ZNF385D: variants seen among roughly 807,000 people sequenced by gnomAD.
ZNF385D encodes the protein zinc finger protein 385D, also known as zinc finger protein 659.
Under a neutral mutation model 35.8 loss-of-function variants are expected in ZNF385D, and 15 were observed. The ratio of observed to expected loss-of-function variants is 0.42; its 90% CI spans 0.28 to 0.64. The LOEUF (loss-of-function observed/expected upper bound fraction) is 0.64, where lower values mean the gene tolerates loss of function less well. Ranked by LOEUF, ZNF385D falls within the 30% of genes least tolerant of loss-of-function variation. ZNF385D has a pLI of 0.23. For synonymous variants in ZNF385D, 212 were observed against 186.8 expected, an observed-to-expected ratio of 1.13 and a Z score of -1.10; for missense variants, 474 against 494.6, an observed-to-expected ratio of 0.96 and a Z score of 0.39.
chr3:22,172,286 G>C lies in ZNF385D; in HGVS notation c.107-3251C>G, dbSNP rs2125763991. ...AGGAATGAGGTGTTTGTTTGTGTGAGTGTGTTTTAATTTTCTAGATGTGGA... is the reference window on the plus strand; with the variant it reads ...AGGAATGAGGTGTTTGTTTGTGTGACTGTGTTTTAATTTTCTAGATGTGGA... On this transcript the variant is annotated intron_variant, in intron 2 of 5. Transcript: ENST00000494108. 1.3e-5 allele frequency among the ~76,000 whole-genome samples: 2 copies of C among 152,316 alleles called. 1 individual carries two copies. The highest frequency in any genetic ancestry group is 6.8e-3 in the Middle Eastern group (2 of 294).
In ZNF385D at chr3:21,564,650, G is replaced by A. The variant is rs752796393; in HGVS notation, c.200C>T (p.Thr67Ile). 2 of 1,588,600 alleles carry A rather than the reference G, an allele frequency of 1.3e-6. No individual in the cohort carries two copies. The highest frequency in any genetic ancestry group is 1.7e-6 in the Non-Finnish European group (2 of 1,167,498). The change falls in exon 3 of 8, where the codon ACA becomes ATA. Residue 67 changes from threonine to isoleucine, a missense_variant. By Grantham distance (89) the Thr-to-Ile change is moderately conservative (BLOSUM62 -1). Coordinates refer to ENST00000281523, the MANE Select transcript of ZNF385D (RefSeq NM_024697.3). The stretch of plus-strand genomic sequence containing the variant: ...TCGGTGGGGAAGAGGAACCCCGAAT[G>A]TATGGTTTATTACAGCTTTCTGAAT... The part of the protein sequence containing the change: ...DPIQKAVINH[T>I]FGVPLPHRRK...
At chr3:22,255,057 C>G (rs560710373) in intron 2 of ZNF385D, among the ~76,000 whole-genome samples, 1 of 151,952 alleles carries the variant, frequency 6.6e-6, no homozygotes, top group Admixed American at 6.6e-5. Flanking sequence ...ATGTATTATT[C>G]ATTTCTGGAA....
At chr3:21,756,695 A>C (rs1243820910) in intron 3 of ZNF385D, among the ~76,000 whole-genome samples, 1 of 152,204 alleles carries the variant, frequency 6.6e-6, no homozygotes, top group Non-Finnish European at 1.5e-5. Context: ...GTTAGTGATG[A>C]ATATTTGTTG....
chr3:22,014,386 C>G (rs897285113), intron 3 of ZNF385D, among the ~76,000 whole-genome samples: 1 of 151,886 alleles, frequency 6.6e-6, no homozygotes, highest in Non-Finnish European at 1.5e-5. Flanking sequence ...AGTGAAATCT[C>G]GAAAGATAAC....
chr3:21,734,655 G>A (rs546838985), intron 1 of ZNF385D, among the ~76,000 whole-genome samples: 21 of 152,046 alleles, frequency 1.4e-4, no homozygotes, highest in Admixed American at 1.3e-4. Context: ...GGAGAGTTTC[G>A]TAAAAATAAA....
chr3:21,433,073 A>C (rs17008710), intron 5 of ZNF385D, among the ~76,000 whole-genome samples: 1,825 of 152,228 alleles, frequency 0.012, 84 homozygotes, highest in Admixed American at 0.084. Flanking sequence ...ATATATACAA[A>C]GGCCCAGAGA....
chr3:21,931,276 TAA>T (rs973749539), intron 3 of ZNF385D, among the ~76,000 whole-genome samples: 1 of 152,038 alleles, frequency 6.6e-6, no homozygotes, highest in African/African-American at 2.4e-5. Flanking sequence ...ATGCCTATAA[TAA>T]AAAGGAAAGA....
chr3:21,696,826 C>T (rs1467287237), intron 1 of ZNF385D, among the ~76,000 whole-genome samples: 2 of 152,210 alleles, frequency 1.3e-5, no homozygotes, highest in Non-Finnish European at 2.9e-5. Flanking sequence ...TTACTGGGAC[C>T]TGAAGGGAGC....
chr3:22,328,802 G>A (rs1482983711), intron 2 of ZNF385D, among the ~76,000 whole-genome samples: 2 of 151,358 alleles, frequency 1.3e-5, no homozygotes, highest in African/African-American at 2.4e-5. Context: ...TTGGCCGGGC[G>A]CGGTGGCTCA....
At chr3:22,103,125 T>A (rs1702029134) in intron 3 of ZNF385D, among the ~76,000 whole-genome samples, 1 of 151,392 alleles carries the variant, frequency 6.6e-6, no homozygotes, top group Non-Finnish European at 1.5e-5. Context: ...GTTAATTTAA[T>A]AAGATGGATA....
At chr3:21,973,789 A>G (rs1211109427) in intron 3 of ZNF385D, among the ~76,000 whole-genome samples, 2 of 152,044 alleles carry the variant, frequency 1.3e-5, no homozygotes, top group Non-Finnish European at 2.9e-5. Flanking sequence ...ACACCAAACT[A>G]TCTGAAAAAC....
intron 4 of ZNF385D, among the ~76,000 whole-genome samples, chr3:21,437,693 T>G: frequency 2.7e-4 from 1 of 3,688 alleles, no homozygotes; most frequent in African/African-American, 7.3e-4. Context: ...CTTTTGCAAA[T>G]GCTTATACAA....
chr3:21,464,480 C>CAT (rs1703379398), intron 4 of ZNF385D, among the ~76,000 whole-genome samples: 1 of 152,114 alleles, frequency 6.6e-6, no homozygotes, highest in South Asian at 2.1e-4. Context: ...CATACACATA[C>CAT]ATATACACAC....
At chr3:21,938,933 G>T (rs1262545926) in intron 3 of ZNF385D, among the ~76,000 whole-genome samples, 1 of 152,160 alleles carries the variant, frequency 6.6e-6, no homozygotes, top group Non-Finnish European at 1.5e-5. Flanking sequence ...AGCTCATGAG[G>T]TAGTCACTGA....
intron 2 of ZNF385D, among the ~76,000 whole-genome samples, chr3:22,202,645 T>A (rs547279720): frequency 3.9e-4 from 59 of 152,230 alleles, no homozygotes; most frequent in Non-Finnish European, 6.9e-4. Flanking sequence ...AAAGAGGAAC[T>A]GAAGAGGATA....
At chr3:21,904,683 G>A (rs259501) in intron 3 of ZNF385D, among the ~76,000 whole-genome samples, 135,765 of 152,174 alleles carry the variant, frequency 0.89, 60,865 homozygotes, top group East Asian at 1. Context: ...TATTATTACT[G>A]ACTGGAAATT....
upstream of ZNF385D, among the ~76,000 whole-genome samples, chr3:21,751,986 T>C (rs919066923): frequency 6.9e-6 from 1 of 145,572 alleles, no homozygotes; most frequent in African/African-American, 2.5e-5. Context: ...CAATATAATA[T>C]AGCCACACAC....
At chr3:22,371,200 C>G (rs1322390450) in intron 2 of ZNF385D, among the ~76,000 whole-genome samples, 1 of 152,098 alleles carries the variant, frequency 6.6e-6, no homozygotes, top group Non-Finnish European at 1.5e-5. Flanking sequence ...ACGAGTGGCA[C>G]GACAACCCAG....
chr3:21,819,243 T>C (rs1348776251), intron 3 of ZNF385D, among the ~76,000 whole-genome samples: 1 of 151,848 alleles, frequency 6.6e-6, no homozygotes, highest in Non-Finnish European at 1.5e-5. Flanking sequence ...CACAATAAGA[T>C]GTTAGAAATG....
Sources: allele counts gnomAD v4.1 joint callset (sites outside exome capture counted in the v4.1 genomes callset), GRCh38; gene constraint gnomAD v4.1.1; transcripts MANE v1.5; gene names NCBI Gene and HGNC (gene_info 2026-07-23, HGNC 2026-07-21).